SPEG: variants seen among roughly 807,000 people sequenced by gnomAD.
SPEG encodes the protein striated muscle enriched protein kinase.
In SPEG, 114 loss-of-function variants were observed where a neutral mutation model predicts 300.4. The observed-to-expected ratio is 0.38, with a 90% CI of 0.33 to 0.44. The LOEUF (loss-of-function observed/expected upper bound fraction) is 0.44, where lower values mean the gene tolerates loss of function less well. SPEG is among the 20% of genes least tolerant of loss of function. The probability of loss-of-function intolerance (pLI) is 1.00; values close to 1 mark genes in which losing one functional copy is unlikely to be tolerated. For synonymous variants in SPEG, 1,964 were observed against 2,018.9 expected, an observed-to-expected ratio of 0.97 and a Z score of 0.73; for missense variants, 4,201 against 4,586.2, an observed-to-expected ratio of 0.92 and a Z score of 2.43.
At chr2:219,476,843 T>G in intron 18 of SPEG, 27 bp from the exon 19 acceptor site, 1 of 1,587,128 alleles carries the variant, frequency 6.3e-7, no homozygotes, top group Non-Finnish European at 8.6e-7. Flanking sequence ...CCCCTTCTCT[T>G]CCCACCCCTA....
Position 219,484,190 on chromosome 2 carries a change from A to G in SPEG, c.6727A>G (p.Thr2243Ala), listed in dbSNP as rs760583808. Residue 2243 changes from threonine (T) to alanine (A), a missense_variant, in exon 30 of 41, where the codon ACA becomes GCA. Thr to Ala is a moderately conservative substitution (Grantham distance 58). Transcript: ENST00000312358. Reference sequence around the variant, plus strand: ...CCTGCAAACCCTAGCGCTGCCCCTCACACCCTATGCTCAGATCATTCAGTC... The same window carrying G: ...CCTGCAAACCCTAGCGCTGCCCCTCGCACCCTATGCTCAGATCATTCAGTC... The part of the protein sequence containing the change: ...QALQTLALPL[T>A]PYAQIIQSLQ... 6.2e-7 allele frequency: 1 copy of G among 1,609,992 alleles called. No homozygotes were observed. Among genetic ancestry groups the G allele is most frequent in the Non-Finnish European group, 8.5e-7 (1 of 1,179,206 alleles).
At position 219,443,141 on chromosome 2, in the gene SPEG, C is replaced by T. The variant is rs1353985294; in HGVS notation, c.389-1512C>T. 6.2e-7 allele frequency: 1 copy of T among 1,612,792 alleles called. No individual in the cohort carries two copies. The highest frequency in any genetic ancestry group is 1.7e-5 in the Admixed American group (1 of 60,012). ...CCATTCCCGCCGGGCCTTTGGCCGACTCACCCATGGTGCGTGGACCGTGGG... is the reference window on the plus strand; with the variant it reads ...CCATTCCCGCCGGGCCTTTGGCCGATTCACCCATGGTGCGTGGACCGTGGG... On this transcript the variant is annotated intron_variant, in intron 1 of 40. Transcript: ENST00000312358. This position sits in a 1 kb window ranked among gnomAD's most constrained non-coding sequence, Gnocchi z 4.6.
At position 219,449,033 on chromosome 2, in the gene SPEG, A is replaced by G; in HGVS notation, c.1875A>G (p.Ala625=). The change falls in exon 4 of 41, where the codon GCA becomes GCG. Residue 625 remains alanine (A), a synonymous_variant. Coordinates refer to ENST00000312358, the MANE Select transcript of SPEG (RefSeq NM_005876.5). ...AADPPEARTK[A]PPGRKREPPA... ...ATCCCCCAGAGGCCAGGACGAAAGC[A>G]CCCCCCGGTCGGAAGCGGGAGCCCC... The G allele has an allele frequency of 1.3e-6, 2 of 1,517,752 alleles. No individual in the cohort carries two copies. Among genetic ancestry groups the G allele is most frequent in the Non-Finnish European group, 1.8e-6 (2 of 1,133,070 alleles). The allele number at this position is 1,517,752 out of a possible 1,614,324, so 94.0% of individuals were successfully genotyped here. A position where few individuals can be genotyped will look rare whatever the true frequency, so the allele number is the denominator to read the frequency against.
chr2:219,487,076 G>T (rs923180125), intron 31 of SPEG, among the ~76,000 whole-genome samples: 4 of 152,036 alleles, frequency 2.6e-5, no homozygotes, highest in African/African-American at 9.7e-5. Context: ...CTCTTCCCAG[G>T]TGAATAAAAT....
At chr2:219,436,499 G>A (rs1954723523) in intron 1 of SPEG, among the ~76,000 whole-genome samples, 1 of 152,226 alleles carries the variant, frequency 6.6e-6, no homozygotes, top group African/African-American at 2.4e-5. Context: ...AGAGGGACAT[G>A]TCACTCCCCT....
In SPEG at chr2:219,443,086, C is replaced by T; in HGVS notation, c.389-1567C>T. On this transcript the variant is annotated intron_variant, in intron 1 of 40. Transcript: ENST00000312358. This position sits in a 1 kb window ranked among gnomAD's most constrained non-coding sequence, Gnocchi z 4.6. ...GGAACAAGCCTCCCCCTCAACTACT[C>T]ATTCTGGCTTTTCTCTTTCAGAAAA... 4 of 1,610,458 alleles carry T rather than the reference C, an allele frequency of 2.5e-6. No individual in the cohort carries two copies. The highest frequency in any genetic ancestry group is 2.5e-6 in the Non-Finnish European group (3 of 1,178,472).
chr2:219,457,851 C>A (rs2125361934), intron 6 of SPEG, among the ~76,000 whole-genome samples: 1 of 152,346 alleles, frequency 6.6e-6, no homozygotes, highest in East Asian at 1.9e-4. Context: ...TTTCCGCATG[C>A]ACTTTCCTCT....
chr2:219,483,287 G>A lies in SPEG; in HGVS notation c.5824G>A (p.Glu1942Lys), dbSNP rs1405486070. Residue 1942 changes from glutamate to lysine, a missense_variant, in exon 30 of 41, where the codon GAG (glutamate) becomes AAG (lysine). Around this residue, in one of 4 missense-constraint regions of SPEG, gnomAD observed 1,578 missense variants for 1,506.0 expected, o/e 1.05. Transcript: ENST00000312358. ...LPSVPRPLQP[E>K]FSGSRVSLTD... ...CTCAGTGCCCCGCCCACTGCAGCCC[G>A]AGTTCTCTGGCTCCCGGGTGTCCCT... 15 of 1,606,738 alleles carry A rather than the reference G, an allele frequency of 9.3e-6. No homozygotes were observed. Among genetic ancestry groups the A allele is most frequent in the Admixed American group, 1.7e-5 (1 of 59,316 alleles).
Position 219,483,719 on chromosome 2 carries a change from G to A in SPEG, c.6256G>A (p.Gly2086Ser), listed in dbSNP as rs1693088863. Reference protein sequence around the residue: ...RGGPEDGKVSGLRGPLLESLG... With the variant: ...RGGPEDGKVSSLRGPLLESLG... ...AGGCCCCGAGGATGGCAAGGTCAGC[G>A]GCCTCAGGGGTCCCCTGCTGGAGAG... is the stretch of plus-strand genomic sequence containing the variant. Residue 2086 changes from glycine to serine, a missense_variant, in exon 30 of 41, where the codon GGC becomes AGC. Around this residue, in one of 4 missense-constraint regions of SPEG, gnomAD observed 1,578 missense variants for 1,506.0 expected, o/e 1.05. Coordinates refer to ENST00000312358, the MANE Select transcript of SPEG (RefSeq NM_005876.5). The A allele has an allele frequency of 6.5e-7, 1 of 1,534,768 alleles. No homozygotes were observed. Among genetic ancestry groups the A allele is most frequent in the African/African-American group, 1.4e-5 (1 of 72,822 alleles).
At position 219,473,737 on chromosome 2, in the gene SPEG, G is replaced by A. The variant is rs1286453652; in HGVS notation, c.4281G>A (p.Gly1427=). 1 of 1,613,022 alleles carries A rather than the reference G, an allele frequency of 6.2e-7. No individual in the cohort carries two copies. The highest frequency in any genetic ancestry group is 1.1e-5 in the South Asian group (1 of 91,048). Residue 1427 remains glycine, a synonymous_variant, in exon 18 of 41, where the codon GGG becomes GGA. Transcript: ENST00000312358. The surrounding 1 kb of genome is among the most constrained non-coding windows in gnomAD (Gnocchi z 4.6). ...EAQVVWRSCR[G]ALLEARAGVY... is the part of the protein sequence containing the mutation. ...GTCATGTGTCCCCTAGCTGCCGAGG[G>A]GCCCTCCTAGAGGCACGGGCCGGTG... is the stretch of plus-strand genomic sequence containing the variant.
chr2:219,461,948 A>T lies in SPEG; in HGVS notation c.2507A>T (p.Glu836Val). 6.2e-7 allele frequency: 1 copy of T among 1,613,380 alleles called. No homozygotes were observed. Among genetic ancestry groups the T allele is most frequent in the Non-Finnish European group, 8.5e-7 (1 of 1,179,730 alleles). Reference protein sequence around the residue: ...SDEEYLSPPEEFPEPGETWPR... With the variant: ...SDEEYLSPPEVFPEPGETWPR... ...GAGGAATACCTGAGCCCCCCAGAGG[A>T]GTTCCCAGAGCCTGGGGAGACCTGG... Residue 836 changes from glutamate (E) to valine (V), a missense_variant, in exon 7 of 41, where the codon GAG becomes GTG. By Grantham distance (121) the Glu-to-Val change is moderately radical. Around this residue, in one of 4 missense-constraint regions of SPEG, gnomAD observed 1,258 missense variants for 1,293.9 expected, o/e 0.97. Transcript: ENST00000312358.
rs372912295 is a variant in SPEG, at chr2:219,489,598, C to T, written c.8580C>T (p.Pro2860=). 3 of 1,613,610 alleles carry T rather than the reference C, an allele frequency of 1.9e-6. No individual in the cohort carries two copies. Among genetic ancestry groups the T allele is most frequent in the African/African-American group, 1.3e-5 (1 of 74,896 alleles). ...RGLQAARPAE[P]TLPSTHVTPS... ...TGCAGGCTGCCCGGCCAGCGGAGCC[C>T]ACCCTACCCAGTACCCACGTCACCC... Residue 2860 remains proline, a synonymous_variant, in exon 36 of 41, where the codon CCC becomes CCT. Transcript: ENST00000312358.
In SPEG at chr2:219,448,994, G is replaced by GC; in HGVS notation, c.1842dup (p.Ala615ArgfsTer51). On this transcript the variant is annotated frameshift_variant, in exon 4 of 41. Transcript: ENST00000312358. LOFTEE classifies it high-confidence loss of function. The stretch of plus-strand genomic sequence containing the variant: ...TCCAGGAGTGCAGGAGCCCTGTGCC[G>GC]CCCCCCGCCGCCGATCCCCCAGAGG... 15 of 1,481,016 alleles carry GC rather than the reference G, an allele frequency of 1.0e-5. No homozygotes were observed. Among genetic ancestry groups the GC allele is most frequent in the Non-Finnish European group, 1.3e-5 (15 of 1,118,534 alleles). 91.7% of individuals were successfully genotyped at this position (1,481,016 alleles called of 1,614,324 possible). A position where few individuals can be genotyped will look rare whatever the true frequency, so the allele number is the denominator to read the frequency against.
At chr2:219,461,058 G>A in intron 6 of SPEG, 1 of 948,490 alleles carries the variant, frequency 1.1e-6, no homozygotes, top group Non-Finnish European at 1.3e-6. Context: ...AGAACCTAGG[G>A]GGCTGTGGCA....
chr2:219,448,144 C>T lies in SPEG; in HGVS notation c.986C>T (p.Ala329Val), dbSNP rs748159915. ...CCGCCGGGACCCCCGGCCCAGCCCG[C>T]GGCCACCCCCACGTCGCCCCACCGT... ...RSPPGPPAQPAATPTSPHRRT... is the reference protein window; with the variant it reads ...RSPPGPPAQPVATPTSPHRRT... The change falls in exon 4 of 41, where the codon GCG becomes GTG. Residue 329 changes from alanine (A) to valine (V), a missense_variant. This residue lies in a region of SPEG where 1,258 missense variants were observed against 1,293.9 expected (regional missense o/e 0.97). Transcript: ENST00000312358. 1.2e-6 allele frequency: 2 copies of T among 1,607,818 alleles called. No homozygotes were observed. Among genetic ancestry groups the T allele is most frequent in the South Asian group, 2.2e-5 (2 of 90,698 alleles).
intron 1 of SPEG, chr2:219,441,468 C>A: frequency 6.4e-6 from 3 of 465,216 alleles, no homozygotes. Context: ...TTGACCTAGG[C>A]GCCCCCACCC....
At chr2:219,454,496 T>C (rs1358941871) in intron 6 of SPEG, among the ~76,000 whole-genome samples, 1 of 152,234 alleles carries the variant, frequency 6.6e-6, no homozygotes, top group Non-Finnish European at 1.5e-5. Flanking sequence ...TACAGCTCTC[T>C]AAACAGTTTC....
intron 1 of SPEG, 64 bp downstream of exon 1, chr2:219,435,429 C>G: frequency 6.8e-7 from 1 of 1,461,660 alleles, no homozygotes; most frequent in South Asian, 1.3e-5. Flanking sequence ...AAAGGGCTGC[C>G]CAGGCCACGC....
intron 15 of SPEG, 122 bp from the exon 16 acceptor site, chr2:219,472,768 A>T: frequency 1.3e-6 from 1 of 781,052 alleles, no homozygotes; most frequent in Non-Finnish European, 2.0e-6. Context: ...AGGAAGCAAC[A>T]GCAGAGACTG....
Sources: allele counts gnomAD v4.1 joint callset (sites outside exome capture counted in the v4.1 genomes callset), GRCh38; gene constraint gnomAD v4.1.1; regional missense constraint gnomAD v4.1.1; non-coding constraint Gnocchi (gnomAD v3.1); transcripts MANE v1.5; gene names NCBI Gene and HGNC (gene_info 2026-07-23, HGNC 2026-07-21).